GLG1: variants seen among roughly 807,000 people sequenced by gnomAD.
GLG1 encodes the protein golgi glycoprotein 1.
A neutral mutation model predicts 160.5 loss-of-function variants in GLG1; 38 were observed. The ratio of observed to expected loss-of-function variants is 0.24; its 90% CI spans 0.18 to 0.31. The LOEUF is 0.31. GLG1 is among the 10% of genes least tolerant of loss of function. GLG1 has a pLI of 1.00. For synonymous variants in GLG1, 644 were observed against 543.4 expected, an observed-to-expected ratio of 1.19 and a Z score of -2.57; for missense variants, 1,373 against 1,505.2, an observed-to-expected ratio of 0.91 and a Z score of 1.45.
chr16:74,463,339 C>T lies in GLG1; in HGVS notation c.2791+17G>A. ...CAGATACTCCACGGGGCCAGGAGAG[C>T]CAAGCCAAGATCTTACCTGTGTTCT... On this transcript the variant is annotated intron_variant, in intron 20 of 25. Coordinates refer to ENST00000422840, the MANE Select transcript of GLG1 (RefSeq NM_001145667.2). 6.2e-7 allele frequency: 1 copy of T among 1,613,678 alleles called. No homozygotes were observed. Among genetic ancestry groups the T allele is most frequent in the Non-Finnish European group, 8.5e-7 (1 of 1,179,720 alleles).
At chr16:74,553,736 G>T (rs570503474) in intron 1 of GLG1, among the ~76,000 whole-genome samples, 1 of 152,230 alleles carries the variant, frequency 6.6e-6, no homozygotes, top group African/African-American at 2.4e-5. Flanking sequence ...GCCTCCCAAA[G>T]TGCTGGGATT....
At chr16:74,578,098 T>C (rs918892575) in intron 1 of GLG1, among the ~76,000 whole-genome samples, 2 of 152,194 alleles carry the variant, frequency 1.3e-5, no homozygotes, top group African/African-American at 4.8e-5. Context: ...CAATTTTGGT[T>C]GTCTGAGGTA....
intron 1 of GLG1, among the ~76,000 whole-genome samples, chr16:74,576,919 T>C (rs2019020292): frequency 8.1e-6 from 1 of 123,574 alleles, no homozygotes; most frequent in South Asian, 2.9e-4. Context: ...TTCTAACCAC[T>C]CCTAATTTTT....
At chr16:74,588,634 A>T (rs1295167538) in intron 1 of GLG1, among the ~76,000 whole-genome samples, 1 of 151,928 alleles carries the variant, frequency 6.6e-6, no homozygotes, top group Non-Finnish European at 1.5e-5. Context: ...GCCCAGGCTG[A>T]TCTCAAACTC....
chr16:74,483,473 C>G (rs2015678969), intron 9 of GLG1, among the ~76,000 whole-genome samples: 1 of 152,172 alleles, frequency 6.6e-6, no homozygotes, highest in South Asian at 2.1e-4. Context: ...TGTTTTAACT[C>G]TAGGCCTCTT....
intron 9 of GLG1, among the ~76,000 whole-genome samples, chr16:74,483,371 T>C (rs1201418848): frequency 1.3e-5 from 2 of 152,214 alleles, no homozygotes; most frequent in Admixed American, 6.5e-5. Flanking sequence ...TATTTTTAAC[T>C]GGTTATGAAA....
chr16:74,473,126 C>T (rs1368182598), intron 13 of GLG1, among the ~76,000 whole-genome samples: 3 of 152,200 alleles, frequency 2.0e-5, no homozygotes, highest in Admixed American at 6.5e-5. Flanking sequence ...ATTTCTGGCC[C>T]CACAAAATAA....
In GLG1 at chr16:74,485,242, A is replaced by C. The variant is rs139429529; in HGVS notation, c.1571+554T>G. On this transcript the variant is annotated intron_variant, in intron 9 of 25. Transcript: ENST00000422840. ...AGCTGTTTTTACATCATAAAAAATA[A>C]AACTAAAGAATGAGAATACTTTAAT... Among the ~76,000 whole-genome samples, 79 of 152,350 alleles carry C rather than the reference A, an allele frequency of 5.2e-4. No homozygotes were observed. The East Asian group carries it at 0.014, about 26-fold the overall frequency.
chr16:74,476,705 A>G (rs1289142966), intron 12 of GLG1, among the ~76,000 whole-genome samples: 2 of 152,194 alleles, frequency 1.3e-5, no homozygotes, highest in African/African-American at 2.4e-5. Flanking sequence ...TAAGGAGCCA[A>G]TCACAGCACT....
intron 4 of GLG1, among the ~76,000 whole-genome samples, chr16:74,499,707 C>T (rs2016338176): frequency 6.6e-6 from 1 of 152,140 alleles, no homozygotes; most frequent in African/African-American, 2.4e-5. Context: ...GGCATTAGGT[C>T]ATAACAACAC....
chr16:74,456,552 A>G lies in GLG1; in HGVS notation c.3372+97T>C, dbSNP rs1392045826. 5 of 769,764 alleles carry G rather than the reference A, an allele frequency of 6.5e-6. No homozygotes were observed. The East Asian group carries it at 9.8e-5, about 15-fold the overall frequency. 47.7% of individuals were successfully genotyped at this position (769,764 alleles called of 1,614,324 possible). On this transcript the variant is annotated intron_variant, in intron 25 of 25. Coordinates refer to ENST00000422840, the MANE Select transcript of GLG1 (RefSeq NM_001145667.2). ...AAGAGGCTGGACAGCCACAGCGAGG[A>G]GAGTGGCATGGCCTTTGCTCAAGGA...
intron 2 of GLG1, among the ~76,000 whole-genome samples, chr16:74,519,148 T>C (rs1381727017): frequency 6.6e-6 from 1 of 152,176 alleles, no homozygotes. Context: ...TGGAATACTA[T>C]GCAGCCATAA....
chr16:74,509,618 G>C (rs1280830919), intron 2 of GLG1, among the ~76,000 whole-genome samples: 3 of 152,016 alleles, frequency 2.0e-5, no homozygotes, highest in Non-Finnish European at 2.9e-5. Flanking sequence ...GGGAGGCAGA[G>C]GCGGGCGGAT....
intron 4 of GLG1, among the ~76,000 whole-genome samples, chr16:74,497,838 T>C (rs1234125164): frequency 2.0e-5 from 3 of 152,180 alleles, no homozygotes; most frequent in East Asian, 1.9e-4. Flanking sequence ...TCCACAAACA[T>C]CCCAATATGT....
intron 1 of GLG1, among the ~76,000 whole-genome samples, chr16:74,547,018 T>C (rs1441110113): frequency 6.6e-6 from 1 of 152,116 alleles, no homozygotes; most frequent in South Asian, 2.1e-4. Context: ...TTGCTAGAAC[T>C]GTCCCCGCTT....
intron 2 of GLG1, among the ~76,000 whole-genome samples, chr16:74,529,079 G>A (rs888076451): frequency 3.3e-5 from 5 of 150,362 alleles, no homozygotes; most frequent in African/African-American, 4.9e-5. Flanking sequence ...CAATTCTCCC[G>A]CCTCAGTCTC....
intron 11 of GLG1, among the ~76,000 whole-genome samples, chr16:74,477,994 A>AAATC: frequency 6.6e-6 from 1 of 150,984 alleles, no homozygotes; most frequent in Non-Finnish European, 1.5e-5. Flanking sequence ...ATAAATAAAT[A>AAATC]AATAAATAAA....
rs200896820 is a variant in GLG1 at position 74,463,372 on chromosome 16, C to G, written c.2775G>C (p.Gln925His). Residue 925 changes from glutamine (Q) to histidine (H), a missense_variant, in exon 20 of 26, where the codon CAG becomes CAC. Physicochemically the swap from Gln to His is conservative, Grantham distance 24 (BLOSUM62 0). Coordinates refer to ENST00000422840, the MANE Select transcript of GLG1 (RefSeq NM_001145667.2). ...PKCKQMITKR[Q>H]ITQNTDYRLN... ...AGATCTTACCTGTGTTCTGGGTGATCTGGCGCTTGGTTATCATCTGTTTGC... is the reference window on the plus strand; with the variant it reads ...AGATCTTACCTGTGTTCTGGGTGATGTGGCGCTTGGTTATCATCTGTTTGC... 2.0e-5 allele frequency: 33 copies of G among 1,614,174 alleles called. No homozygotes were observed. The highest frequency in any genetic ancestry group is 2.5e-5 in the Non-Finnish European group (30 of 1,180,010).
intron 1 of GLG1, among the ~76,000 whole-genome samples, chr16:74,566,016 A>G (rs750663358): frequency 2.0e-5 from 3 of 152,112 alleles, no homozygotes; most frequent in Non-Finnish European, 4.4e-5. Flanking sequence ...ACGTCCCTCA[A>G]TTTGGGTTTG....
Sources: allele counts gnomAD v4.1 joint callset (sites outside exome capture counted in the v4.1 genomes callset), GRCh38; gene constraint gnomAD v4.1.1; transcripts MANE v1.5; gene names NCBI Gene and HGNC (gene_info 2026-07-23, HGNC 2026-07-21).